L3MBTL3: variants seen among roughly 807,000 people sequenced by gnomAD.
L3MBTL3 encodes the protein lethal(3)malignant brain tumor-like protein 3.
L3MBTL3 carries 27 observed loss-of-function variants against 102.3 expected under a neutral mutation model. That is an observed-to-expected ratio of 0.26 (90% CI 0.19 to 0.36). L3MBTL3 has a LOEUF of 0.36. Ranked by LOEUF, L3MBTL3 falls within the 10% of genes least tolerant of loss-of-function variation. The probability of loss-of-function intolerance (pLI) is 1.00; values close to 1 mark genes in which losing one functional copy is unlikely to be tolerated. For synonymous variants in L3MBTL3, 340 were observed against 320.9 expected (o/e 1.06, Z -0.64); for missense variants, 798 against 955.3 (o/e 0.84, Z 2.17).
intron 2 of L3MBTL3, among the ~76,000 whole-genome samples, chr6:130,036,932 A>G (rs1358889564): frequency 1.3e-5 from 2 of 152,216 alleles, no homozygotes; most frequent in African/African-American, 2.4e-5. Context: ...TGTTGGAAAC[A>G]GTCTGACCTG....
At chr6:130,095,418 A>G (rs2115261439) in intron 18 of L3MBTL3, among the ~76,000 whole-genome samples, 1 of 152,332 alleles carries the variant, frequency 6.6e-6, no homozygotes. Context: ...TTCCAGAGTG[A>G]GAAGTCTGAG....
intron 19 of L3MBTL3, among the ~76,000 whole-genome samples, chr6:130,115,335 C>T (rs1240893653): frequency 6.6e-6 from 1 of 152,196 alleles, no homozygotes; most frequent in African/African-American, 2.4e-5. Flanking sequence ...TCCGAGCTTC[C>T]TAACCTGGTT....
Position 130,133,325 on chromosome 6 carries a change from A to G in L3MBTL3, c.1967-127A>G. The G allele has an allele frequency of 1.2e-6, 1 of 811,954 alleles. No homozygotes were observed. 50.3% of individuals were successfully genotyped at this position (811,954 alleles called of 1,614,324 possible). On this transcript the variant is annotated intron_variant, in intron 20 of 22. Transcript: ENST00000361794. This position sits in a 1 kb window ranked among gnomAD's most constrained non-coding sequence, Gnocchi z 4.9. The stretch of plus-strand genomic sequence containing the variant: ...GACAAAGAAGAGCCTATTCAATAGT[A>G]TAATGCTGAAAGGAACCAATGCTTT...
chr6:130,093,737 A>G (rs1582549679), intron 17 of L3MBTL3, among the ~76,000 whole-genome samples: 1 of 152,206 alleles, frequency 6.6e-6, no homozygotes. Context: ...GGCAAAATCA[A>G]ACAAAACCGA....
intron 2 of L3MBTL3, among the ~76,000 whole-genome samples, chr6:130,036,454 T>C (rs1401249281): frequency 6.6e-6 from 1 of 152,134 alleles, no homozygotes; most frequent in Admixed American, 6.5e-5. Flanking sequence ...TTTACAAAGG[T>C]TAGATATATG....
chr6:130,104,431 C>T lies in L3MBTL3; in HGVS notation c.1742C>T (p.Ala581Val). 6.5e-7 allele frequency: 1 copy of T among 1,538,314 alleles called. No individual in the cohort carries two copies. The highest frequency in any genetic ancestry group is 8.7e-7 in the Non-Finnish European group (1 of 1,147,180). ...RARHLGPHSA[A>V]NCPYSEINLN... Reference sequence around the variant, plus strand: ...CTTTTCTTTTAATCTGTTAGTGCTGCCAACTGTCCCTATTCAGAAATCAAT... The same window carrying T: ...CTTTTCTTTTAATCTGTTAGTGCTGTCAACTGTCCCTATTCAGAAATCAAT... Residue 581 changes from alanine (A) to valine (V), a missense_variant, in exon 19 of 23, where the codon GCC becomes GTC. Coordinates refer to ENST00000361794, the MANE Select transcript of L3MBTL3 (RefSeq NM_032438.4).
At chr6:130,061,636 C>T (rs966161163) in intron 10 of L3MBTL3, among the ~76,000 whole-genome samples, 17 of 152,104 alleles carry the variant, frequency 1.1e-4, no homozygotes, top group African/African-American at 3.9e-4. Context: ...ATGTTCTCTC[C>T]TTCCTGGACT....
chr6:130,112,392 C>CT (rs1211037240), intron 19 of L3MBTL3, among the ~76,000 whole-genome samples: 4 of 152,144 alleles, frequency 2.6e-5, no homozygotes, highest in Non-Finnish European at 5.9e-5. Flanking sequence ...GTTAAAACTC[C>CT]TACACTTTGA....
intron 2 of L3MBTL3, among the ~76,000 whole-genome samples, chr6:130,030,665 T>TAAAAAA (rs548921467): frequency 4.1e-5 from 2 of 48,544 alleles, no homozygotes; most frequent in East Asian, 7.8e-4. Context: ...AGACTCTACC[T>TAAAAAA]AAAAAAAAAA....
At chr6:130,117,593 G>A (rs982144062) in intron 19 of L3MBTL3, among the ~76,000 whole-genome samples, 1 of 152,122 alleles carries the variant, frequency 6.6e-6, no homozygotes, top group Non-Finnish European at 1.5e-5. Context: ...TTTCATTTTT[G>A]TGTAGAGAAA....
chr6:130,117,141 G>A (rs1379316402), intron 19 of L3MBTL3, among the ~76,000 whole-genome samples: 2 of 90,656 alleles, frequency 2.2e-5, no homozygotes, highest in African/African-American at 8.9e-5. Flanking sequence ...CCCCACCACA[G>A]TCCCCAGAGT....
intron 20 of L3MBTL3, among the ~76,000 whole-genome samples, chr6:130,127,638 A>T (rs1582634521): frequency 6.6e-6 from 1 of 152,188 alleles, no homozygotes; most frequent in African/African-American, 2.4e-5. Context: ...GGATGAAATA[A>T]TGAAGTCAAA....
At chr6:130,080,664 GA>G (rs372224258) in intron 14 of L3MBTL3, among the ~76,000 whole-genome samples, 58 of 146,366 alleles carry the variant, frequency 4.0e-4, no homozygotes, top group African/African-American at 9.5e-4. Flanking sequence ...CAGTCGAAGA[GA>G]AAAAAAAAAT....
At chr6:130,089,923 T>C (rs1783935545) in intron 16 of L3MBTL3, among the ~76,000 whole-genome samples, 1 of 152,128 alleles carries the variant, frequency 6.6e-6, no homozygotes, top group Non-Finnish European at 1.5e-5. Flanking sequence ...TCTTTTTCTT[T>C]TTTTCTCGAA....
At chr6:130,135,101 G>T (rs1787497023) in intron 22 of L3MBTL3, among the ~76,000 whole-genome samples, 1 of 141,166 alleles carries the variant, frequency 7.1e-6, no homozygotes. Context: ...AAATCGAGAT[G>T]GAGTCTTGCT....
intron 2 of L3MBTL3, among the ~76,000 whole-genome samples, chr6:130,031,007 C>G (rs1450046837): frequency 6.6e-6 from 1 of 152,178 alleles, no homozygotes; most frequent in Non-Finnish European, 1.5e-5. Context: ...TATGATTACC[C>G]CATGTGACCT....
chr6:130,088,589 T>G (rs934092044), intron 16 of L3MBTL3, among the ~76,000 whole-genome samples: 4 of 152,332 alleles, frequency 2.6e-5, no homozygotes, highest in Middle Eastern at 6.8e-3. Flanking sequence ...TCAGATGACA[T>G]TGAAGAAAAA....
intron 10 of L3MBTL3, among the ~76,000 whole-genome samples, chr6:130,062,472 A>G (rs574380375): frequency 7.3e-5 from 11 of 151,440 alleles, no homozygotes; most frequent in African/African-American, 2.7e-4. Flanking sequence ...TGCAGCCCCA[A>G]CCTTCTGGGC....
chr6:130,109,745 A>G (rs1448624075), intron 19 of L3MBTL3, among the ~76,000 whole-genome samples: 5 of 151,982 alleles, frequency 3.3e-5, no homozygotes, highest in Non-Finnish European at 5.9e-5. Flanking sequence ...CTTTTGTTGC[A>G]GTTGCTTTTG....
Sources: allele counts gnomAD v4.1 joint callset (sites outside exome capture counted in the v4.1 genomes callset), GRCh38; gene constraint gnomAD v4.1.1; non-coding constraint Gnocchi (gnomAD v3.1); transcripts MANE v1.5; gene names NCBI Gene and HGNC (gene_info 2026-07-23, HGNC 2026-07-21).